The following MAK variants were observed in gnomAD, a reference collection of about 807,000 sequenced individuals.
MAK encodes the protein serine/threonine-protein kinase MAK.
In MAK, 65 loss-of-function variants were observed where a neutral mutation model predicts 82.6. That is an observed-to-expected ratio of 0.79 (90% CI 0.64 to 0.97). MAK has a LOEUF of 0.97. Among genes scored for constraint, MAK ranks in the 50% least tolerant of loss-of-function variants. The pLI is 0.00. For missense variants in MAK, 703 were observed against 780.2 expected (o/e 0.90, Z 1.18); for synonymous variants, 250 against 274.2 (o/e 0.91, Z 0.87).
At chr6:10,780,782 A>G (rs1773894814) in intron 11 of MAK, among the ~76,000 whole-genome samples, 1 of 152,204 alleles carries the variant, frequency 6.6e-6, no homozygotes, top group Non-Finnish European at 1.5e-5. Context: ...AAAACAAAAA[A>G]CACAGTGAAA....
intron 9 of MAK, among the ~76,000 whole-genome samples, chr6:10,792,079 C>A (rs1775137214): frequency 6.6e-6 from 1 of 152,104 alleles, no homozygotes; most frequent in Non-Finnish European, 1.5e-5. Flanking sequence ...TGGTGAGAGA[C>A]TTGAATATTT....
At chr6:10,764,684 A>C in intron 14 of MAK, 78 bp from the exon 15 acceptor site, 65 of 1,285,060 alleles carry the variant, frequency 5.1e-5, no homozygotes, top group Middle Eastern at 1.9e-4. Flanking sequence ...TCATCCTCTC[A>C]TTTGATGGGG....
At chr6:10,805,248 G>A (rs1220010699) in intron 6 of MAK, among the ~76,000 whole-genome samples, 1 of 152,122 alleles carries the variant, frequency 6.6e-6, no homozygotes, top group African/African-American at 2.4e-5. Flanking sequence ...TGTATGTATA[G>A]CTTACATGTA....
At chr6:10,824,836 G>C (rs1778240371) in intron 2 of MAK, among the ~76,000 whole-genome samples, 1 of 152,094 alleles carries the variant, frequency 6.6e-6, no homozygotes, top group Admixed American at 6.6e-5. Flanking sequence ...TATTCCACTG[G>C]AACAGTGCTC....
intron 1 of MAK, among the ~76,000 whole-genome samples, chr6:10,837,790 C>T (rs1179837606): frequency 6.6e-6 from 1 of 152,114 alleles, no homozygotes; most frequent in Non-Finnish European, 1.5e-5. Flanking sequence ...GGATTACTTG[C>T]AGAAAAGGGA....
chr6:10,831,975 G>A (rs1029433161), intron 1 of MAK, among the ~76,000 whole-genome samples: 1 of 152,158 alleles, frequency 6.6e-6, no homozygotes, highest in African/African-American at 2.4e-5. Context: ...TGAGACTCTG[G>A]TTGGAGTGCA....
At chr6:10,786,132 C>G (rs1361666811) in intron 10 of MAK, among the ~76,000 whole-genome samples, 1 of 152,100 alleles carries the variant, frequency 6.6e-6, no homozygotes. Context: ...GTAATCCCAG[C>G]TACTTGGGAG....
chr6:10,774,850 A>G (rs753151073), intron 12 of MAK, among the ~76,000 whole-genome samples: 1 of 152,260 alleles, frequency 6.6e-6, no homozygotes, highest in Non-Finnish European at 1.5e-5. Context: ...CATGGTAGCC[A>G]GTGAGAAGTC....
intron 12 of MAK, among the ~76,000 whole-genome samples, chr6:10,774,204 C>T (rs1773270352): frequency 6.6e-6 from 1 of 151,812 alleles, no homozygotes; most frequent in East Asian, 1.9e-4. Flanking sequence ...TAAATTAAAA[C>T]TTTTTTTAAT....
At chr6:10,815,662 T>C (rs959221795) in intron 4 of MAK, among the ~76,000 whole-genome samples, 1 of 152,058 alleles carries the variant, frequency 6.6e-6, no homozygotes, top group African/African-American at 2.4e-5. Flanking sequence ...GGTCTCGCTA[T>C]GTTGCCTAGG....
At position 10,776,127 on chromosome 6, in the gene MAK, T is replaced by C. The variant is rs535842456; in HGVS notation, c.1466-668A>G. 6.6e-6 allele frequency among the ~76,000 whole-genome samples: 1 copy of C among 152,240 alleles called. No individual in the cohort carries two copies. Among genetic ancestry groups the C allele is most frequent in the African/African-American group, 2.4e-5 (1 of 41,546 alleles). ...CATGTCACTTGTTTTGAGCGTATAT[T>C]CTTGGCCCAACCCTTGGTGTAGCAG... is the stretch of plus-strand genomic sequence containing the variant. On this transcript the variant is annotated intron_variant, in intron 11 of 14. Coordinates refer to ENST00000354489, the MANE Select transcript of MAK (RefSeq NM_001242957.3). The surrounding 1 kb of genome is among the most constrained non-coding windows in gnomAD (Gnocchi z 4.3).
At chr6:10,790,588 C>G (rs765376202) in intron 10 of MAK, among the ~76,000 whole-genome samples, 2 of 152,120 alleles carry the variant, frequency 1.3e-5, no homozygotes, top group East Asian at 3.9e-4. Flanking sequence ...TTTAGAATAG[C>G]GAGGAGGCAG....
rs201193815 is a variant in MAK at position 10,801,882 on chromosome 6, C to T, written c.831+10G>A. On this transcript the variant is annotated intron_variant, in intron 8 of 14. Transcript: ENST00000354489. ...CATTTTTAAAGGTCTAACAGGAAGA[C>T]TCCTCTTACCTGGCTTGCTGTCGGT... The T allele has an allele frequency of 6.2e-7, 1 of 1,613,380 alleles. No homozygotes were observed. Among genetic ancestry groups the T allele is most frequent in the Non-Finnish European group, 8.5e-7 (1 of 1,179,314 alleles).
intron 13 of MAK, among the ~76,000 whole-genome samples, chr6:10,772,172 A>G (rs934812976): frequency 6.6e-6 from 1 of 152,162 alleles, no homozygotes; most frequent in African/African-American, 2.4e-5. Flanking sequence ...TAGGGAAAAA[A>G]CATGAACAGA....
chr6:10,768,413 A>G (rs1056200905), intron 14 of MAK, among the ~76,000 whole-genome samples: 1 of 152,186 alleles, frequency 6.6e-6, no homozygotes, highest in East Asian at 1.9e-4. Flanking sequence ...CTGCGTCTCT[A>G]CTAAAAATAC....
intron 1 of MAK, among the ~76,000 whole-genome samples, chr6:10,831,453 AAAGAAAT>A (rs1778802453): frequency 6.6e-6 from 1 of 152,210 alleles, no homozygotes; most frequent in Non-Finnish European, 1.5e-5. Flanking sequence ...AGGTTCATAC[AAAGAAAT>A]AAGAAACATA....
intron 12 of MAK, among the ~76,000 whole-genome samples, chr6:10,773,864 T>C (rs945886307): frequency 2.0e-5 from 3 of 151,778 alleles, no homozygotes; most frequent in Non-Finnish European, 4.4e-5. Context: ...GATTTTTTTT[T>C]GTGTGTGTGT....
rs930573807 is a variant in MAK at position 10,768,370 on chromosome 6, G to A, written c.1792+1741C>T. Among the ~76,000 whole-genome samples, 4 of 152,186 alleles carry A rather than the reference G, an allele frequency of 2.6e-5. No individual in the cohort carries two copies. In the East Asian group the frequency reaches 5.8e-4, roughly 22 times the overall value. Reference sequence around the variant, plus strand: ...AGGCAGGTGAATCATTTGAGGTCACGAGTTCAAGACCAGCCTGACCAACAC... The same window carrying A: ...AGGCAGGTGAATCATTTGAGGTCACAAGTTCAAGACCAGCCTGACCAACAC... On this transcript the variant is annotated intron_variant, in intron 14 of 14. Coordinates refer to ENST00000354489, the MANE Select transcript of MAK (RefSeq NM_001242957.3).
rs375540406 is a variant in MAK at position 10,808,956 on chromosome 6, G to A, written c.359-14C>T. The A allele has an allele frequency of 3.2e-5, 52 of 1,604,860 alleles. No individual in the cohort carries two copies. The African/African-American group carries it at 5.1e-4, about 16-fold the overall frequency. ...TATGAAAAAAGCCTTGATGATATAC[G>A]GAGAAAAAAAAATACAGTAAATCAT... On this transcript the variant is annotated splice_polypyrimidine_tract_variant and intron_variant, in intron 5 of 14. Transcript: ENST00000354489.
Sources: gnomAD v4.1 joint callset for allele counts (sites outside exome capture counted in the v4.1 genomes callset) on GRCh38, gnomAD v4.1.1 for gene constraint, Gnocchi (gnomAD v3.1) non-coding constraint, MANE v1.5 for transcripts, NCBI Gene and HGNC (gene_info 2026-07-23, HGNC 2026-07-21) for gene names.